The following TMEM117 variants were observed in gnomAD, a reference collection of about 807,000 sequenced individuals.
TMEM117 encodes the protein transmembrane protein 117.
Under a neutral mutation model 52.4 loss-of-function variants are expected in TMEM117, and 27 were observed. The ratio of observed to expected loss-of-function variants is 0.51; its 90% CI spans 0.38 to 0.71. The LOEUF (loss-of-function observed/expected upper bound fraction) is 0.71. Among genes scored for constraint, TMEM117 ranks in the 30% least tolerant of loss-of-function variants. The pLI, the probability that TMEM117 is intolerant of heterozygous loss-of-function variation, is 0.00. For missense variants in TMEM117, 556 were observed against 630.5 expected (o/e 0.88, Z 1.26); for synonymous variants, 215 against 206.3 (o/e 1.04, Z -0.36).
At chr12:44,212,084 T>A (rs1463154612) in intron 5 of TMEM117, among the ~76,000 whole-genome samples, 1 of 152,226 alleles carries the variant, frequency 6.6e-6, no homozygotes, top group Non-Finnish European at 1.5e-5. Flanking sequence ...TTATAAATGT[T>A]CTACAGTATT....
intron 3 of TMEM117, among the ~76,000 whole-genome samples, chr12:44,101,589 G>A (rs141005119): frequency 7.2e-5 from 11 of 152,046 alleles, no homozygotes; most frequent in African/African-American, 2.4e-4. Context: ...CATACTGTGG[G>A]AAGAGCAGCT....
At chr12:43,967,126 C>A (rs950334920) in intron 3 of TMEM117, among the ~76,000 whole-genome samples, 1 of 36,800 alleles carries the variant, frequency 2.7e-5, no homozygotes, top group African/African-American at 6.9e-5. Context: ...CATGTTACTT[C>A]TTCTTCTTTT....
chr12:44,050,472 C>T (rs545520185), intron 3 of TMEM117, among the ~76,000 whole-genome samples: 19 of 152,290 alleles, frequency 1.2e-4, no homozygotes, highest in African/African-American at 2.2e-4. Context: ...ACACTGTACC[C>T]GGCTAGAATA....
At chr12:44,174,110 C>G (rs572329177) in intron 4 of TMEM117, among the ~76,000 whole-genome samples, 1 of 151,934 alleles carries the variant, frequency 6.6e-6, no homozygotes, top group South Asian at 2.1e-4. Context: ...TTTGGAGAAC[C>G]CCAGATTTCT....
intron 3 of TMEM117, among the ~76,000 whole-genome samples, chr12:44,079,164 C>T (rs2138007108): frequency 6.6e-6 from 1 of 152,194 alleles, no homozygotes; most frequent in South Asian, 2.1e-4. Context: ...AATAGTGCTG[C>T]AATAAACATA....
intron 3 of TMEM117, among the ~76,000 whole-genome samples, chr12:44,127,291 G>T (rs1255080348): frequency 6.6e-6 from 1 of 152,030 alleles, no homozygotes; most frequent in Non-Finnish European, 1.5e-5. Context: ...GTATCAATTT[G>T]GCTAGGCTGT....
chr12:44,256,190 A>G (rs1950258604), intron 5 of TMEM117, among the ~76,000 whole-genome samples: 2 of 151,874 alleles, frequency 1.3e-5, no homozygotes, highest in Non-Finnish European at 2.9e-5. Flanking sequence ...AAGGATATAT[A>G]TAAATTTATG....
chr12:44,281,520 G>T (rs1950576702), intron 5 of TMEM117, among the ~76,000 whole-genome samples: 1 of 152,050 alleles, frequency 6.6e-6, no homozygotes, highest in Non-Finnish European at 1.5e-5. Context: ...AATTTTATCA[G>T]AACCTTATTT....
intron 3 of TMEM117, among the ~76,000 whole-genome samples, chr12:44,091,703 C>T (rs976298193): frequency 6.6e-5 from 10 of 152,104 alleles, no homozygotes; most frequent in Non-Finnish European, 1.3e-4. Context: ...ATCAACTTTG[C>T]ATTCTTTTCA....
chr12:44,002,959 G>A (rs543105354), intron 3 of TMEM117, among the ~76,000 whole-genome samples: 2 of 152,256 alleles, frequency 1.3e-5, no homozygotes, highest in East Asian at 1.9e-4. Context: ...TATTTTTCAA[G>A]GAATAAAGAG....
chr12:44,226,921 A>G (rs1274789780), intron 5 of TMEM117, among the ~76,000 whole-genome samples: 2 of 152,146 alleles, frequency 1.3e-5, no homozygotes, highest in Admixed American at 6.6e-5. Context: ...GCAGGCTCAT[A>G]TACATGTGTA....
chr12:43,842,676 T>C (rs142035114), intron 1 of TMEM117, among the ~76,000 whole-genome samples: 39 of 152,112 alleles, frequency 2.6e-4, no homozygotes, highest in African/African-American at 8.7e-4. Flanking sequence ...TATTAATGGA[T>C]ACTCCCCCCA....
chr12:44,119,993 TA>T (rs1179546051), intron 3 of TMEM117, among the ~76,000 whole-genome samples: 1 of 152,136 alleles, frequency 6.6e-6, no homozygotes, highest in East Asian at 1.9e-4. Flanking sequence ...GATAGGCTTT[TA>T]AAAGAAGTCA....
At chr12:44,321,490 C>G (rs988743140) in intron 6 of TMEM117, among the ~76,000 whole-genome samples, 8 of 151,984 alleles carry the variant, frequency 5.3e-5, no homozygotes, top group African/African-American at 1.9e-4. Context: ...ATGGCAGACC[C>G]CATGTTGTCT....
chr12:43,967,558 G>A (rs1945506496), intron 3 of TMEM117, among the ~76,000 whole-genome samples: 1 of 152,158 alleles, frequency 6.6e-6, no homozygotes, highest in African/African-American at 2.4e-5. Flanking sequence ...TATGTGGCAA[G>A]CAACTATCTC....
chr12:44,362,843 T>A (rs1951739478), intron 6 of TMEM117, among the ~76,000 whole-genome samples: 1 of 151,944 alleles, frequency 6.6e-6, no homozygotes, highest in Admixed American at 6.6e-5. Flanking sequence ...CTTTTTTTTT[T>A]TTATTTTTTT....
chr12:43,847,613 A>G (rs1216335103), intron 2 of TMEM117, among the ~76,000 whole-genome samples: 1 of 152,186 alleles, frequency 6.6e-6, no homozygotes, highest in Non-Finnish European at 1.5e-5. Flanking sequence ...ACCAATCTGG[A>G]TTGTTGAGCA....
intron 6 of TMEM117, among the ~76,000 whole-genome samples, chr12:44,347,163 A>G (rs1951499596): frequency 6.6e-6 from 1 of 152,006 alleles, no homozygotes; most frequent in Non-Finnish European, 1.5e-5. Flanking sequence ...TCCTACCTAT[A>G]TTGTAACCTT....
chr12:43,956,644 G>A (rs192226780), intron 3 of TMEM117, among the ~76,000 whole-genome samples: 1 of 152,110 alleles, frequency 6.6e-6, no homozygotes, highest in Non-Finnish European at 1.5e-5. Flanking sequence ...TTATTAAAAA[G>A]TCAGGAAACA....
Sources: gnomAD v4.1 joint callset for allele counts (sites outside exome capture counted in the v4.1 genomes callset) on GRCh38, gnomAD v4.1.1 for gene constraint, MANE v1.5 for transcripts, NCBI Gene and HGNC (gene_info 2026-07-23, HGNC 2026-07-21) for gene names.